Variants in FAM185A observed in about 807,000 individuals in gnomAD.
FAM185A encodes family with sequence similarity 185 member A, also known as protein FAM185A.
Under a neutral mutation model 45.7 loss-of-function variants are expected in FAM185A, and 21 were observed. The observed-to-expected ratio is 0.46, with a 90% CI of 0.33 to 0.66. The LOEUF (loss-of-function observed/expected upper bound fraction) is 0.66. Among genes scored for constraint, FAM185A ranks in the 30% least tolerant of loss-of-function variants. The probability of loss-of-function intolerance (pLI) is 0.03; values close to 1 mark genes in which losing one functional copy is unlikely to be tolerated. For missense variants in FAM185A, 305 were observed against 485.4 expected, an observed-to-expected ratio of 0.63 and a Z score of 3.49; for synonymous variants, 117 against 194.0, an observed-to-expected ratio of 0.60 and a Z score of 3.30.
intron 7 of FAM185A, among the ~76,000 whole-genome samples, chr7:102,807,361 C>T (rs768968111): frequency 9.2e-5 from 14 of 152,132 alleles, no homozygotes; most frequent in Non-Finnish European, 1.6e-4. Flanking sequence ...TGTAGTTTAT[C>T]TTGTCAGTTA....
rs148360139 is a variant in FAM185A, at chr7:102,805,345, C to T, written c.1067-2945C>T. 3.0e-4 allele frequency among the ~76,000 whole-genome samples: 45 copies of T among 152,184 alleles called. No individual in the cohort carries two copies. The East Asian group carries it at 6.6e-3, about 22-fold the overall frequency. ...TATATATATATGACGGAATACTGCT[C>T]GGCCATAAAAAGGAATGAATTAACA... On this transcript the variant is annotated intron_variant, in intron 7 of 7. Coordinates refer to ENST00000413034, the MANE Select transcript of FAM185A (RefSeq NM_001145268.2).
the FAM185A span, among the ~76,000 whole-genome samples, chr7:102,815,176 C>T: frequency 6.6e-6 from 1 of 152,162 alleles, no homozygotes; most frequent in Non-Finnish European, 1.5e-5. Flanking sequence ...CCAAACCAAT[C>T]CAGCCTCCTT....
intron 7 of FAM185A, among the ~76,000 whole-genome samples, chr7:102,790,333 C>T (rs1413269017): frequency 2.0e-5 from 3 of 152,228 alleles, no homozygotes; most frequent in Admixed American, 1.3e-4. Context: ...TTTTTTACCT[C>T]TATTATAATC....
the FAM185A span, among the ~76,000 whole-genome samples, chr7:102,848,785 G>A: frequency 1.3e-5 from 2 of 152,046 alleles, no homozygotes; most frequent in Non-Finnish European, 1.5e-5. Context: ...CCTGAGGTGA[G>A]GTCAGGAGTT....
At chr7:102,771,584 A>G (rs1184050292) in intron 4 of FAM185A, among the ~76,000 whole-genome samples, 2 of 152,058 alleles carry the variant, frequency 1.3e-5, no homozygotes, top group Non-Finnish European at 2.9e-5. Context: ...GGTATATGAA[A>G]TGAGATAAAA....
chr7:102,767,935 C>G (rs1794510638), intron 4 of FAM185A, among the ~76,000 whole-genome samples: 2 of 144,612 alleles, frequency 1.4e-5, no homozygotes, highest in East Asian at 3.9e-4. Flanking sequence ...TCTCCTGCAT[C>G]TAATCAACTA....
intron 7 of FAM185A, among the ~76,000 whole-genome samples, chr7:102,795,427 G>A (rs902047913): frequency 3.9e-5 from 6 of 151,984 alleles, no homozygotes. Context: ...TGGAGTTAAA[G>A]GGTCTGACTT....
intron 1 of FAM185A, among the ~76,000 whole-genome samples, chr7:102,751,176 A>G (rs1793339733): frequency 6.6e-6 from 1 of 152,170 alleles, no homozygotes; most frequent in African/African-American, 2.4e-5. Context: ...TCGGCCTCCC[A>G]AAGTGCTGGT....
chr7:102,849,665 T>C, the FAM185A span, among the ~76,000 whole-genome samples: 1 of 152,196 alleles, frequency 6.6e-6, no homozygotes, highest in East Asian at 1.9e-4. Context: ...AATTGTGAAA[T>C]TAGTTTGTAA....
chr7:102,752,111 C>T (rs1482622130), intron 2 of FAM185A, among the ~76,000 whole-genome samples: 3 of 151,864 alleles, frequency 2.0e-5, no homozygotes, highest in Non-Finnish European at 1.5e-5. Flanking sequence ...TGATTTTCTT[C>T]CATTTTATTA....
At chr7:102,783,366 C>A (rs559584762) in intron 6 of FAM185A, among the ~76,000 whole-genome samples, 2 of 152,014 alleles carry the variant, frequency 1.3e-5, no homozygotes, top group Non-Finnish European at 2.9e-5. Context: ...AGCACCACAC[C>A]GCACTTATTC....
chr7:102,833,054 T>C, the FAM185A span: 1 of 1,454,924 alleles, frequency 6.9e-7, no homozygotes, highest in Non-Finnish European at 9.4e-7. Context: ...TTATTAAATG[T>C]ACATTTCAGT....
At chr7:102,837,610 T>C in the FAM185A span, among the ~76,000 whole-genome samples, 2 of 152,112 alleles carry the variant, frequency 1.3e-5, no homozygotes, top group African/African-American at 4.8e-5. Flanking sequence ...GGCTGGAGCA[T>C]AGCAGCATGA....
chr7:102,808,867 C>A lies in FAM185A; in HGVS notation c.*465C>A, dbSNP rs1038793445. 6.3e-6 allele frequency: 1 copy of A among 158,140 alleles called. No homozygotes were observed. Among genetic ancestry groups the A allele is most frequent in the African/African-American group, 2.4e-5 (1 of 41,482 alleles). The allele number at this position is 158,140 out of a possible 1,614,324, so 9.8% of individuals were successfully genotyped here. On this transcript the variant is annotated 3_prime_UTR_variant, in exon 8 of 8. Transcript: ENST00000413034. ...CACCCACATGCCTTCTCATGTTGCC[C>A]CTCCATCTTCAAGCCAGCAGTGATG...
intron 7 of FAM185A, among the ~76,000 whole-genome samples, chr7:102,791,133 G>T (rs1400769097): frequency 6.6e-6 from 1 of 152,056 alleles, no homozygotes; most frequent in Non-Finnish European, 1.5e-5. Context: ...TTTGGGAGAG[G>T]TCAGATCATA....
chr7:102,788,972 G>T (rs1795989688), intron 7 of FAM185A, among the ~76,000 whole-genome samples: 1 of 152,218 alleles, frequency 6.6e-6, no homozygotes, highest in South Asian at 2.1e-4. Context: ...AGGACTGGTA[G>T]TTGCTCTGAG....
At chr7:102,770,931 C>G (rs1192975623) in intron 4 of FAM185A, among the ~76,000 whole-genome samples, 2 of 152,258 alleles carry the variant, frequency 1.3e-5, no homozygotes, top group East Asian at 3.8e-4. Flanking sequence ...CAGCTCTATT[C>G]ACAATAGCAA....
chr7:102,775,229 A>G (rs1458766621), intron 5 of FAM185A, among the ~76,000 whole-genome samples: 1 of 152,114 alleles, frequency 6.6e-6, no homozygotes, highest in Non-Finnish European at 1.5e-5. Flanking sequence ...TCAAGTTTAC[A>G]GTACAGTATT....
chr7:102,786,693 G>A (rs1284119236), intron 6 of FAM185A, among the ~76,000 whole-genome samples: 1 of 152,142 alleles, frequency 6.6e-6, no homozygotes. Context: ...TCAGGGCAGT[G>A]GGGAGGGATA....
Sources: allele counts gnomAD v4.1 joint callset (sites outside exome capture counted in the v4.1 genomes callset), GRCh38; gene constraint gnomAD v4.1.1; transcripts MANE v1.5; gene names NCBI Gene and HGNC (gene_info 2026-07-23, HGNC 2026-07-21).